The following CNNM2 variants were observed in gnomAD, a reference collection of about 807,000 sequenced individuals.
CNNM2 encodes the protein metal transporter CNNM2.
CNNM2 carries 12 observed loss-of-function variants against 66.9 expected under a neutral mutation model. The ratio of observed to expected loss-of-function variants is 0.18; its 90% CI spans 0.11 to 0.29. The LOEUF is 0.29. Ranked by LOEUF, CNNM2 falls within the 10% of genes least tolerant of loss-of-function variation. The pLI, the probability that CNNM2 is intolerant of heterozygous loss-of-function variation, is 1.00. For missense variants in CNNM2, 705 were observed against 1,167.7 expected (o/e 0.60, Z 5.77); for synonymous variants, 557 against 501.8 (o/e 1.11, Z -1.47).
intron 1 of CNNM2, among the ~76,000 whole-genome samples, chr10:103,025,826 C>T (rs1367117914): frequency 6.6e-6 from 1 of 152,186 alleles, no homozygotes; most frequent in African/African-American, 2.4e-5. Flanking sequence ...TGTTTAACAG[C>T]CTGCTTTTAC....
intron 1 of CNNM2, among the ~76,000 whole-genome samples, chr10:103,019,964 A>T (rs1358150806): frequency 1.3e-5 from 2 of 152,218 alleles, no homozygotes; most frequent in Admixed American, 6.5e-5. Flanking sequence ...CAATTTTTCC[A>T]TTAGGTTCTA....
intron 1 of CNNM2, among the ~76,000 whole-genome samples, chr10:103,024,286 T>A (rs1426907329): frequency 6.6e-6 from 1 of 152,162 alleles, no homozygotes; most frequent in Non-Finnish European, 1.5e-5. Context: ...TAAACCACAA[T>A]ATACCCATTA....
At chr10:103,040,491 G>T (rs1304972533) in intron 1 of CNNM2, among the ~76,000 whole-genome samples, 2 of 152,108 alleles carry the variant, frequency 1.3e-5, no homozygotes, top group African/African-American at 4.8e-5. Context: ...CTGGTGGGAA[G>T]TGAGCACTGT....
Position 103,006,737 on chromosome 10 carries a change from C to A in CNNM2, c.1622-42970C>A, listed in dbSNP as rs2064236571. Among the ~76,000 whole-genome samples, 3 of 152,248 alleles carry A rather than the reference C, an allele frequency of 2.0e-5. 1 individual carries two copies. Among genetic ancestry groups the A allele is most frequent in the Middle Eastern group, 6.8e-3 (2 of 294 alleles). The stretch of plus-strand genomic sequence containing the variant: ...GACCCCTCTAGCTCAAGCGGTCCTC[C>A]TACCACAGCCTCCTGAGTAGCTGGG... On this transcript the variant is annotated intron_variant, in intron 1 of 7. Transcript: ENST00000369878.
intron 1 of CNNM2, among the ~76,000 whole-genome samples, chr10:102,968,646 C>T (rs2063502582): frequency 1.3e-5 from 2 of 150,754 alleles, no homozygotes; most frequent in Non-Finnish European, 2.9e-5. Flanking sequence ...TCTTGCTCTG[C>T]CTCAGGCTGG....
chr10:103,028,331 C>CTTGA (rs1414756492), intron 1 of CNNM2, among the ~76,000 whole-genome samples: 1 of 152,142 alleles, frequency 6.6e-6, no homozygotes, highest in Non-Finnish European at 1.5e-5. Context: ...TCTTTTTTTA[C>CTTGA]TTGACAACTC....
intron 1 of CNNM2, among the ~76,000 whole-genome samples, chr10:103,040,156 G>C (rs981007207): frequency 2.0e-5 from 3 of 152,016 alleles, no homozygotes; most frequent in African/African-American, 7.2e-5. Context: ...AACAGAGTGA[G>C]ACTCCATCTC....
Position 103,087,600 on chromosome 10 carries a change from TAAG to T in CNNM2, c.*10421_*10423del. ...ACAATATGTAAATGTACTATTATAA[TAAG>T]GTAGCTCTGCAGATGTAATAAGCTA... is the stretch of plus-strand genomic sequence containing the variant. On this transcript the variant is annotated 3_prime_UTR_variant, in exon 8 of 8. Transcript: ENST00000369878. 1 of 152,246 alleles carries T rather than the reference TAAG, an allele frequency of 6.6e-6. No homozygotes were observed. Among genetic ancestry groups the T allele is most frequent in the East Asian group, 1.9e-4 (1 of 5,206 alleles). The allele number at this position is 152,246 out of a possible 1,614,324, so 9.4% of individuals were successfully genotyped here.
chr10:103,016,127 C>T (rs2134278600), intron 1 of CNNM2, among the ~76,000 whole-genome samples: 1 of 152,196 alleles, frequency 6.6e-6, no homozygotes, highest in South Asian at 2.1e-4. Context: ...TTCCCACGCC[C>T]CCAAGCCCCC....
At chr10:103,020,242 G>A (rs889633124) in intron 1 of CNNM2, among the ~76,000 whole-genome samples, 11 of 151,226 alleles carry the variant, frequency 7.3e-5, no homozygotes, top group African/African-American at 1.7e-4. Context: ...TGCAACCTCC[G>A]CCTCCTGGGT....
At chr10:103,033,458 G>C (rs930048291) in intron 1 of CNNM2, among the ~76,000 whole-genome samples, 1 of 152,100 alleles carries the variant, frequency 6.6e-6, no homozygotes. Context: ...CCAAAGTGCT[G>C]GGATTACAAA....
At chr10:102,970,042 CTTTCTT>C (rs988137331) in intron 1 of CNNM2, among the ~76,000 whole-genome samples, 15 of 152,344 alleles carry the variant, frequency 9.8e-5, no homozygotes, top group African/African-American at 3.4e-4. Context: ...TATTTTTACT[CTTTCTT>C]TTTGAGATTT....
intron 1 of CNNM2, among the ~76,000 whole-genome samples, chr10:102,998,683 A>G (rs1389921884): frequency 6.6e-6 from 1 of 152,080 alleles, no homozygotes; most frequent in African/African-American, 2.4e-5. Flanking sequence ...TCGACTACAA[A>G]ACTATTAGGT....
intron 4 of CNNM2, among the ~76,000 whole-genome samples, chr10:103,062,091 A>G (rs1169441148): frequency 6.6e-6 from 1 of 152,226 alleles, no homozygotes; most frequent in Middle Eastern, 3.2e-3. Flanking sequence ...TCTATTAACT[A>G]TAAAGTAGTA....
At chr10:102,952,456 C>T (rs1164556766) in intron 1 of CNNM2, among the ~76,000 whole-genome samples, 3 of 151,698 alleles carry the variant, frequency 2.0e-5, no homozygotes, top group Admixed American at 1.3e-4. Flanking sequence ...CCCAGCTACT[C>T]GGGAAGCTGA....
intron 5 of CNNM2, among the ~76,000 whole-genome samples, chr10:103,070,419 T>C (rs970276923): frequency 1.3e-5 from 2 of 152,200 alleles, no homozygotes; most frequent in African/African-American, 4.8e-5. Flanking sequence ...CACAAGTGCT[T>C]CGTCCCCTTG....
intron 1 of CNNM2, among the ~76,000 whole-genome samples, chr10:103,007,017 G>A (rs192742963): frequency 4.0e-4 from 61 of 152,098 alleles, no homozygotes; most frequent in Non-Finnish European, 5.6e-4. Context: ...GTATTTCAAC[G>A]TAGGTTCTTT....
At chr10:103,001,013 A>T (rs1028476330) in intron 1 of CNNM2, among the ~76,000 whole-genome samples, 2 of 152,190 alleles carry the variant, frequency 1.3e-5, no homozygotes, top group Non-Finnish European at 2.9e-5. Flanking sequence ...TTAGGAAGGA[A>T]GAAATTCTGA....
intron 1 of CNNM2, among the ~76,000 whole-genome samples, chr10:102,977,513 A>G (rs2063653970): frequency 6.6e-6 from 1 of 152,190 alleles, no homozygotes; most frequent in Non-Finnish European, 1.5e-5. Context: ...TTTCCTTGTG[A>G]AAAAATTTTT....
Sources: allele counts gnomAD v4.1 joint callset (sites outside exome capture counted in the v4.1 genomes callset), GRCh38; gene constraint gnomAD v4.1.1; transcripts MANE v1.5; gene names NCBI Gene and HGNC (gene_info 2026-07-23, HGNC 2026-07-21).